Variants in TTC28 observed in about 807,000 individuals in gnomAD.
TTC28 encodes the protein tetratricopeptide repeat protein 28.
Under a neutral mutation model 198.0 loss-of-function variants are expected in TTC28, and 61 were observed. The observed-to-expected ratio is 0.31, with a 90% CI of 0.25 to 0.38. The LOEUF is 0.38. TTC28 is among the 10% of genes least tolerant of loss of function. The pLI is 1.00. For synonymous variants in TTC28, 1,171 were observed against 1,297.8 expected (o/e 0.90, Z 2.10); for missense variants, 2,678 against 3,164.0 (o/e 0.85, Z 3.69).
intron 6 of TTC28, among the ~76,000 whole-genome samples, chr22:28,162,531 T>C (rs369476927): frequency 1.9e-4 from 29 of 152,218 alleles, no homozygotes; most frequent in African/African-American, 6.3e-4. Context: ...GTTGCTCTTC[T>C]CTTTCTATAC....
intron 2 of TTC28, among the ~76,000 whole-genome samples, chr22:28,618,579 G>A (rs2050940047): frequency 6.6e-6 from 1 of 150,948 alleles, no homozygotes; most frequent in Non-Finnish European, 1.5e-5. Context: ...CTACTGGGGA[G>A]GCTGAGGCAG....
intron 5 of TTC28, among the ~76,000 whole-genome samples, chr22:28,289,696 A>G (rs1294948637): frequency 6.6e-6 from 1 of 152,174 alleles, no homozygotes; most frequent in African/African-American, 2.4e-5. Context: ...GCAATGTAGC[A>G]AGACCTCTGT....
At chr22:28,527,478 G>A (rs2049027580) in intron 2 of TTC28, among the ~76,000 whole-genome samples, 2 of 152,182 alleles carry the variant, frequency 1.3e-5, no homozygotes, top group Admixed American at 6.5e-5. Flanking sequence ...TCTGGCCTAT[G>A]CAAACCAGAA....
chr22:28,093,129 C>T (rs548488676), intron 12 of TTC28, among the ~76,000 whole-genome samples: 1 of 152,232 alleles, frequency 6.6e-6, no homozygotes, highest in Admixed American at 6.5e-5. Context: ...CAGCCCCTTC[C>T]AATATTGACA....
At chr22:28,003,733 T>C (rs1937809770) in intron 14 of TTC28, among the ~76,000 whole-genome samples, 1 of 152,220 alleles carries the variant, frequency 6.6e-6, no homozygotes, top group Non-Finnish European at 1.5e-5. Context: ...CCCATCTTCG[T>C]AGAACTCTGC....
chr22:28,572,315 T>C (rs1347310832), intron 2 of TTC28, among the ~76,000 whole-genome samples: 1 of 152,106 alleles, frequency 6.6e-6, no homozygotes, highest in Non-Finnish European at 1.5e-5. Context: ...AGAGCGACAC[T>C]GTCTAAAAAA....
chr22:28,073,074 A>G (rs1941051915), intron 12 of TTC28, among the ~76,000 whole-genome samples: 1 of 152,222 alleles, frequency 6.6e-6, no homozygotes, highest in Admixed American at 6.5e-5. Context: ...GGGTGATTCT[A>G]GAAGCAAATG....
intron 2 of TTC28, among the ~76,000 whole-genome samples, chr22:28,471,296 A>C (rs1324844247): frequency 6.6e-6 from 1 of 152,174 alleles, no homozygotes; most frequent in Non-Finnish European, 1.5e-5. Context: ...ATTCACATCA[A>C]AAGGCAAAAT....
intron 13 of TTC28, among the ~76,000 whole-genome samples, chr22:28,028,106 G>C (rs893033849): frequency 2.6e-5 from 4 of 152,228 alleles, no homozygotes; most frequent in Non-Finnish European, 4.4e-5. Context: ...GAAGCGAGAA[G>C]AACGCCGGCT....
At chr22:27,991,897 G>GT (rs2146522003) in intron 19 of TTC28, among the ~76,000 whole-genome samples, 1 of 152,360 alleles carries the variant, frequency 6.6e-6, no homozygotes, top group African/African-American at 2.4e-5. Context: ...GCTAAGCAGT[G>GT]TCTTGCATGA....
chr22:28,280,381 C>CCT (rs771636176), intron 5 of TTC28, among the ~76,000 whole-genome samples: 10 of 151,936 alleles, frequency 6.6e-5, no homozygotes, highest in Non-Finnish European at 1.3e-4. Context: ...GGCTGGAGTG[C>CCT]AATGGCGCGA....
At chr22:28,136,143 A>C (rs1439997338) in intron 6 of TTC28, among the ~76,000 whole-genome samples, 1 of 152,156 alleles carries the variant, frequency 6.6e-6, no homozygotes, top group Non-Finnish European at 1.5e-5. Flanking sequence ...AAGTTTCAAA[A>C]TGCTTACGTT....
At chr22:28,083,709 G>A (rs922430501) in intron 12 of TTC28, among the ~76,000 whole-genome samples, 9 of 152,208 alleles carry the variant, frequency 5.9e-5, no homozygotes, top group Admixed American at 1.3e-4. Context: ...GAAGCAGGGC[G>A]AGGCATCGCT....
intron 2 of TTC28, among the ~76,000 whole-genome samples, chr22:28,473,348 C>G (rs1237791234): frequency 6.6e-6 from 1 of 152,070 alleles, no homozygotes; most frequent in Non-Finnish European, 1.5e-5. Flanking sequence ...AAGTAGGACT[C>G]AACTCTGGAG....
intron 5 of TTC28, among the ~76,000 whole-genome samples, chr22:28,242,148 A>T (rs907277702): frequency 6.6e-6 from 1 of 152,180 alleles, no homozygotes; most frequent in Non-Finnish European, 1.5e-5. Context: ...CCTCAGTGGA[A>T]TACACTGCCT....
intron 5 of TTC28, among the ~76,000 whole-genome samples, chr22:28,164,119 G>A (rs1270473457): frequency 6.6e-6 from 1 of 152,182 alleles, no homozygotes; most frequent in Non-Finnish European, 1.5e-5. Flanking sequence ...CATTGCCAAG[G>A]CTTGAGTAGG....
chr22:28,648,856 C>A lies in TTC28; in HGVS notation c.103-19026G>T, dbSNP rs148874171. ...CCTATGAGGCAGAGGTTGCAGTGAG[C>A]CGAGATCACGCCATTGCACTCCAGT... On this transcript the variant is annotated intron_variant, in intron 1 of 22. Coordinates refer to ENST00000397906, the MANE Select transcript of TTC28 (RefSeq NM_001145418.2). Among the ~76,000 whole-genome samples, 9 of 151,820 alleles carry A rather than the reference C, an allele frequency of 5.9e-5. 1 individual carries two copies. The highest frequency in any genetic ancestry group is 3.4e-3 in the Middle Eastern group (1 of 294).
chr22:28,399,249 A>G (rs535293475), intron 2 of TTC28, among the ~76,000 whole-genome samples: 3 of 149,404 alleles, frequency 2.0e-5, no homozygotes, highest in African/African-American at 7.4e-5. Context: ...CTGCCTGTAT[A>G]CTCCAGCTAC....
chr22:28,581,122 A>G (rs894673048), intron 2 of TTC28, among the ~76,000 whole-genome samples: 8 of 152,190 alleles, frequency 5.3e-5, no homozygotes, highest in African/African-American at 1.9e-4. Context: ...TAACTGGATC[A>G]AGGGGGCAGA....
Sources: gnomAD v4.1 joint callset for allele counts (sites outside exome capture counted in the v4.1 genomes callset) on GRCh38, gnomAD v4.1.1 for gene constraint, MANE v1.5 for transcripts, NCBI Gene and HGNC (gene_info 2026-07-23, HGNC 2026-07-21) for gene names.